Variants in RANBP2 observed in about 807,000 individuals in gnomAD.
RANBP2 encodes the protein RAN binding protein 2.
Under a neutral mutation model 303.6 loss-of-function variants are expected in RANBP2, and 57 were observed. That is an observed-to-expected ratio of 0.19 (90% CI 0.15 to 0.23). The LOEUF is 0.23. Among genes scored for constraint, RANBP2 ranks in the 10% least tolerant of loss-of-function variants. RANBP2 has a pLI of 1.00. For synonymous variants in RANBP2, 1,167 were observed against 1,301.5 expected (o/e 0.90, Z 2.23); for missense variants, 3,138 against 3,780.8 (o/e 0.83, Z 4.46).
the RANBP2 span, chr2:108,897,024 C>G: frequency 1.1e-5 from 17 of 1,614,074 alleles, no homozygotes; most frequent in Non-Finnish European, 1.4e-5. Flanking sequence ...TTGTGAGTAG[C>G]TCAGGGATGC....
At chr2:108,757,981 A>T (rs1377643780) in intron 17 of RANBP2, among the ~76,000 whole-genome samples, 2 of 152,218 alleles carry the variant, frequency 1.3e-5, no homozygotes, top group Admixed American at 6.5e-5. Context: ...CCTAGAACTC[A>T]CTGGCAAATA....
At chr2:109,607,007 G>A in the RANBP2 span, among the ~76,000 whole-genome samples, 1 of 152,144 alleles carries the variant, frequency 6.6e-6, no homozygotes, top group Non-Finnish European at 1.5e-5. Flanking sequence ...GTTATTTTAA[G>A]TTTCAGCATA....
At chr2:109,179,819 A>G in the RANBP2 span, among the ~76,000 whole-genome samples, 83 of 152,344 alleles carry the variant, frequency 5.4e-4, 1 homozygote, top group African/African-American at 1.8e-3. Context: ...TGGGGGACAC[A>G]TTCAAACCAT....
At chr2:109,572,998 T>G in the RANBP2 span, among the ~76,000 whole-genome samples, 1 of 152,200 alleles carries the variant, frequency 6.6e-6, no homozygotes, top group Non-Finnish European at 1.5e-5. Context: ...AGAATATATT[T>G]AAATCACCAA....
chr2:109,715,771 C>G, the RANBP2 span, among the ~76,000 whole-genome samples: 1 of 152,186 alleles, frequency 6.6e-6, no homozygotes. Flanking sequence ...ATCTGGTTCA[C>G]CTGGCAGCCA....
At chr2:109,618,283 A>G in the RANBP2 span, 1 of 166,610 alleles carries the variant, frequency 6.0e-6, no homozygotes, top group South Asian at 2.1e-4. Flanking sequence ...CTTAAATTTC[A>G]TAGACATGTA....
At chr2:108,881,373 C>G in the RANBP2 span, among the ~76,000 whole-genome samples, 2 of 152,224 alleles carry the variant, frequency 1.3e-5, no homozygotes, top group Admixed American at 1.3e-4. Flanking sequence ...ATGGATTAGG[C>G]TTTGGCTTAA....
chr2:109,508,932 C>T, the RANBP2 span, among the ~76,000 whole-genome samples: 1 of 152,222 alleles, frequency 6.6e-6, no homozygotes, highest in South Asian at 2.1e-4. Context: ...CGGGGGGATG[C>T]AGTCCACTCC....
the RANBP2 span, among the ~76,000 whole-genome samples, chr2:109,067,959 T>C: frequency 6.6e-6 from 1 of 152,188 alleles, no homozygotes; most frequent in African/African-American, 2.4e-5. Context: ...CTGGGCTTGC[T>C]GCTGCTCTGG....
At chr2:108,809,451 TGTGTGTGTG>T in the RANBP2 span, among the ~76,000 whole-genome samples, 2 of 25,948 alleles carry the variant, frequency 7.7e-5, no homozygotes, top group African/African-American at 2.3e-4. Context: ...TGAAATGTTG[TGTGTGTGTG>T]TGTGTGTGTG....
chr2:108,983,432 C>T, the RANBP2 span, among the ~76,000 whole-genome samples: 1 of 152,294 alleles, frequency 6.6e-6, no homozygotes, highest in East Asian at 1.9e-4. Context: ...AACCATAAAA[C>T]CACATCTAAC....
At chr2:109,669,618 A>G in the RANBP2 span, among the ~76,000 whole-genome samples, 2 of 152,206 alleles carry the variant, frequency 1.3e-5, no homozygotes, top group Non-Finnish European at 2.9e-5. Context: ...GCCACTATGA[A>G]CACCTCTCAG....
chr2:108,931,201 TGG>T, the RANBP2 span, among the ~76,000 whole-genome samples: 10 of 152,334 alleles, frequency 6.6e-5, no homozygotes, highest in South Asian at 2.1e-3. Flanking sequence ...CCATGCCACT[TGG>T]GCTGACTCTG....
chr2:109,723,980 G>C, the RANBP2 span, among the ~76,000 whole-genome samples: 3 of 152,104 alleles, frequency 2.0e-5, 1 homozygote, highest in South Asian at 6.2e-4. Flanking sequence ...TCAATTTTCT[G>C]CTTATGGCTA....
chr2:109,490,612 A>G, the RANBP2 span: 4 of 1,444,080 alleles, frequency 2.8e-6, no homozygotes, highest in South Asian at 5.7e-5. Flanking sequence ...CAGAAAGAGA[A>G]GAAGAGTGGG....
chr2:109,534,493 G>C, the RANBP2 span, among the ~76,000 whole-genome samples: 3 of 152,182 alleles, frequency 2.0e-5, no homozygotes, highest in Admixed American at 2.0e-4. Context: ...GAAATGTTTA[G>C]GAACGGCTGG....
chr2:109,157,042 A>G, the RANBP2 span, among the ~76,000 whole-genome samples: 2 of 152,232 alleles, frequency 1.3e-5, no homozygotes, highest in Non-Finnish European at 2.9e-5. Flanking sequence ...TAGGATTTGC[A>G]TCATCTGACT....
At chr2:108,935,155 A>G in the RANBP2 span, among the ~76,000 whole-genome samples, 1 of 152,204 alleles carries the variant, frequency 6.6e-6, no homozygotes, top group Non-Finnish European at 1.5e-5. Context: ...CTGAATTAAC[A>G]GCTTCTCTTC....
intron 1 of RANBP2, among the ~76,000 whole-genome samples, chr2:108,728,110 C>G (rs1162448716): frequency 6.6e-6 from 1 of 152,132 alleles, no homozygotes; most frequent in Non-Finnish European, 1.5e-5. Context: ...CTTATTCTTT[C>G]CCATAGAGGC....
Sources: allele counts gnomAD v4.1 joint callset (sites outside exome capture counted in the v4.1 genomes callset), GRCh38; gene constraint gnomAD v4.1.1; transcripts MANE v1.5; gene names NCBI Gene and HGNC (gene_info 2026-07-23, HGNC 2026-07-21).